FAF1: variants seen among roughly 807,000 people sequenced by gnomAD.
FAF1 encodes FAS-associated factor 1.
In FAF1, 25 loss-of-function variants were observed where a neutral mutation model predicts 92.5. That is an observed-to-expected ratio of 0.27 (90% confidence interval 0.20 to 0.38). FAF1 has a LOEUF of 0.38. Among genes scored for constraint, FAF1 ranks in the 10% least tolerant of loss-of-function variants. The pLI is 1.00. For missense variants in FAF1, 636 were observed against 793.3 expected (o/e 0.80, Z 2.38); for synonymous variants, 234 against 273.2 (o/e 0.86, Z 1.42).
At chr1:50,871,844 T>C (rs2124680655) in intron 1 of FAF1, among the ~76,000 whole-genome samples, 1 of 152,058 alleles carries the variant, frequency 6.6e-6, no homozygotes, top group Non-Finnish European at 1.5e-5. Context: ...GGCGGGCGGA[T>C]CACGAGGTCA....
chr1:50,547,799 A>G lies in FAF1; in HGVS notation c.1269-8071T>C, dbSNP rs967365199. The stretch of plus-strand genomic sequence containing the variant: ...AAGGCTTTGAGGCACTTAAAGTTTA[A>G]TAACAAGGGTATAGCTAATCTATAG... On this transcript the variant is annotated intron_variant, in intron 13 of 18. Coordinates refer to ENST00000396153, the MANE Select transcript of FAF1 (RefSeq NM_007051.3). 6.2e-4 allele frequency among the ~76,000 whole-genome samples: 94 copies of G among 152,236 alleles called. 1 individual carries two copies. Among genetic ancestry groups the G allele is most frequent in the Admixed American group, 6.0e-3 (92 of 15,288 alleles).
At chr1:50,563,287 G>A (rs1406461255) in intron 13 of FAF1, among the ~76,000 whole-genome samples, 1 of 151,954 alleles carries the variant, frequency 6.6e-6, no homozygotes, top group Non-Finnish European at 1.5e-5. Context: ...AAATTAGAAC[G>A]GGGCATGGTG....
intron 1 of FAF1, among the ~76,000 whole-genome samples, chr1:50,930,323 G>C (rs1398498452): frequency 6.6e-6 from 1 of 152,180 alleles, no homozygotes; most frequent in Non-Finnish European, 1.5e-5. Context: ...TGTTTATACA[G>C]CAGCAAAGTT....
chr1:50,882,878 C>T (rs533298378), intron 1 of FAF1, among the ~76,000 whole-genome samples: 3 of 150,828 alleles, frequency 2.0e-5, no homozygotes, highest in South Asian at 2.1e-4. Flanking sequence ...CCCAGACACT[C>T]GGGAGGCTGA....
chr1:50,645,458 G>C (rs547352390), intron 8 of FAF1, among the ~76,000 whole-genome samples: 1 of 152,286 alleles, frequency 6.6e-6, no homozygotes, highest in African/African-American at 2.4e-5. Flanking sequence ...AGGTTTTGTG[G>C]GCCACATGGT....
chr1:50,509,044 A>C (rs555583589), intron 15 of FAF1, among the ~76,000 whole-genome samples: 1 of 152,278 alleles, frequency 6.6e-6, no homozygotes, highest in East Asian at 1.9e-4. Context: ...CTGTTATGTG[A>C]ATTTCACCTA....
chr1:50,503,846 T>C (rs1047021579), intron 15 of FAF1, among the ~76,000 whole-genome samples: 2 of 152,136 alleles, frequency 1.3e-5, no homozygotes, highest in Non-Finnish European at 2.9e-5. Flanking sequence ...AAATCTATGC[T>C]GACAGAAAGT....
chr1:50,753,607 G>A (rs1237843503), intron 4 of FAF1, among the ~76,000 whole-genome samples: 2 of 152,098 alleles, frequency 1.3e-5, no homozygotes, highest in Non-Finnish European at 1.5e-5. Flanking sequence ...CTCATCTGGT[G>A]GCTTTTCACT....
chr1:50,860,799 A>T (rs567727590), intron 1 of FAF1, among the ~76,000 whole-genome samples: 2 of 152,030 alleles, frequency 1.3e-5, no homozygotes, highest in Non-Finnish European at 2.9e-5. Flanking sequence ...TAATCGCAGC[A>T]CTATTCACAA....
At chr1:50,509,583 G>A (rs529540379) in intron 15 of FAF1, among the ~76,000 whole-genome samples, 1 of 152,284 alleles carries the variant, frequency 6.6e-6, no homozygotes, top group African/African-American at 2.4e-5. Flanking sequence ...CTGCATTCTA[G>A]CTTGGGCAAT....
At chr1:50,710,073 T>C (rs1257722601) in intron 6 of FAF1, among the ~76,000 whole-genome samples, 3 of 152,220 alleles carry the variant, frequency 2.0e-5, no homozygotes, top group Admixed American at 6.5e-5. Flanking sequence ...ACCTCCATTA[T>C]GGAGGGCTTC....
At chr1:50,670,419 T>A (rs1655822215) in intron 7 of FAF1, among the ~76,000 whole-genome samples, 2 of 152,150 alleles carry the variant, frequency 1.3e-5, no homozygotes, top group Admixed American at 6.6e-5. Flanking sequence ...CACTCACAGC[T>A]AGTAGTGACC....
intron 1 of FAF1, among the ~76,000 whole-genome samples, chr1:50,872,478 T>C (rs1644536562): frequency 6.6e-6 from 1 of 152,242 alleles, no homozygotes; most frequent in Admixed American, 6.5e-5. Context: ...CTGATGTAGA[T>C]GCTGTGAACA....
rs568921547 is a variant in FAF1, at chr1:50,729,169, C to A, written c.551+9694G>T. Among the ~76,000 whole-genome samples the A allele has an allele frequency of 6.6e-5, 10 of 150,956 alleles. No homozygotes were observed. In the East Asian group the frequency reaches 1.8e-3, roughly 27 times the overall value. On this transcript the variant is annotated intron_variant, in intron 6 of 18. Transcript: ENST00000396153. ...CTCCCGGGTTCAAGTGATTCTCCTG[C>A]CTCAGCCTCCCAAATAGCCGGGATA...
At chr1:50,747,686 G>C (rs2124503460) in intron 4 of FAF1, among the ~76,000 whole-genome samples, 1 of 152,230 alleles carries the variant, frequency 6.6e-6, no homozygotes, top group Non-Finnish European at 1.5e-5. Flanking sequence ...GATTTGGGAG[G>C]GGCCACGGGT....
At chr1:50,863,967 C>G (rs1200236521) in intron 1 of FAF1, among the ~76,000 whole-genome samples, 1 of 151,964 alleles carries the variant, frequency 6.6e-6, no homozygotes. Context: ...TCCATTTCTT[C>G]TAGATTTTCT....
At chr1:50,652,784 A>G (rs1426321383) in intron 8 of FAF1, among the ~76,000 whole-genome samples, 2 of 152,186 alleles carry the variant, frequency 1.3e-5, no homozygotes, top group Admixed American at 6.5e-5. Flanking sequence ...ATTTCTTTAA[A>G]CCAGCCAATT....
rs115091877 is a variant in FAF1 at position 50,809,088 on chromosome 1, C to T, written c.115-7411G>A. Among the ~76,000 whole-genome samples the T allele has an allele frequency of 3.5e-3, 540 of 152,130 alleles. 6 individuals carry two copies. The highest frequency in any genetic ancestry group is 0.012 in the African/African-American group (499 of 41,522). On this transcript the variant is annotated intron_variant, in intron 2 of 18. Transcript: ENST00000396153. ...ATTATTAGACAGATCATCAAAGATACAATATATCAGAAACTCTGGGACATA... is the reference window on the plus strand; with the variant it reads ...ATTATTAGACAGATCATCAAAGATATAATATATCAGAAACTCTGGGACATA...
intron 7 of FAF1, among the ~76,000 whole-genome samples, chr1:50,682,736 C>T (rs568282567): frequency 1.1e-3 from 160 of 151,964 alleles, no homozygotes; most frequent in Non-Finnish European, 1.6e-3. Context: ...TATGGTATAC[C>T]GAACATAAAA....
Sources: allele counts gnomAD v4.1 joint callset (sites outside exome capture counted in the v4.1 genomes callset), GRCh38; gene constraint gnomAD v4.1.1; transcripts MANE v1.5; gene names NCBI Gene and HGNC (gene_info 2026-07-23, HGNC 2026-07-21).